The following KIAA1143 variants were observed in gnomAD, a reference collection of about 807,000 sequenced individuals.
The protein encoded by KIAA1143 is KIAA1143, also known as uncharacterized protein KIAA1143.
Under a neutral mutation model 17.0 loss-of-function variants are expected in KIAA1143, and 8 were observed. The observed-to-expected ratio is 0.47, with a 90% confidence interval of 0.28 to 0.85. The LOEUF is 0.85. KIAA1143 is among the 40% of genes least tolerant of loss of function. The probability of loss-of-function intolerance (pLI) is 0.12; values close to 1 mark genes in which losing one functional copy is unlikely to be tolerated. For missense variants in KIAA1143, 162 were observed against 183.3 expected (o/e 0.88, Z 0.67); for synonymous variants, 64 against 67.8 (o/e 0.94, Z 0.27).
chr3:44,759,256 A>G (rs1705021131), intron 1 of KIAA1143, among the ~76,000 whole-genome samples: 1 of 152,118 alleles, frequency 6.6e-6, no homozygotes, highest in Admixed American at 6.5e-5. Context: ...TGAAAACCCC[A>G]CGTTAATCTC....
At position 44,753,461 on chromosome 3, in the gene KIAA1143, G is replaced by A. The variant is rs1704921552; in HGVS notation, c.345C>T (p.Ser115=). The change falls in exon 3 of 3, where the codon AGC becomes AGT. Residue 115 remains serine (S), a synonymous_variant. Transcript: ENST00000296121. ...CTTCATTTGGCTTCTTCTTTTTTGA[G>A]CTTGCTGTTAAACCTGAATATTTTT... ...SDEKYSGLTA[S]SKKKKPNEDE... 7.5e-6 allele frequency: 12 copies of A among 1,609,168 alleles called. No individual in the cohort carries two copies. Among genetic ancestry groups the A allele is most frequent in the Non-Finnish European group, 1.0e-5 (12 of 1,175,988 alleles).
rs985002527 is a variant in KIAA1143, at chr3:44,749,641, G to A, written c.*3700C>T. The A allele has an allele frequency of 1.3e-5, 2 of 151,964 alleles. No homozygotes were observed. Among genetic ancestry groups the A allele is most frequent in the Non-Finnish European group, 2.9e-5 (2 of 68,000 alleles). The allele number at this position is 151,964 out of a possible 1,614,324, so 9.4% of individuals were successfully genotyped here. A position where few individuals can be genotyped will look rare whatever the true frequency, so the allele number is the denominator to read the frequency against. On this transcript the variant is annotated 3_prime_UTR_variant, in exon 3 of 3. Transcript: ENST00000296121. ...CATTTGGAGAAATCTCTCACTAGAT[G>A]GCCTTTCAAATAAATGAGAAACACA... is the stretch of plus-strand genomic sequence containing the variant.
intron 2 of KIAA1143, among the ~76,000 whole-genome samples, chr3:44,753,950 TATTTAAAAAAAAAAA>T (rs1704928314): frequency 6.6e-6 from 1 of 152,006 alleles, no homozygotes; most frequent in Admixed American, 6.5e-5. Context: ...TCTAACCATC[TATTTAAAAAAAAAAA>T]ATAGGATGCT....
At chr3:44,759,660 A>G (rs1039986018) in intron 1 of KIAA1143, among the ~76,000 whole-genome samples, 1 of 152,032 alleles carries the variant, frequency 6.6e-6, no homozygotes, top group African/African-American at 2.4e-5. Context: ...TTGAGAGGCT[A>G]AAGTGGGAGG....
At chr3:44,753,669 A>C in intron 2 of KIAA1143, 117 bp from the exon 3 acceptor site, 1 of 1,013,914 alleles carries the variant, frequency 9.9e-7, no homozygotes, top group African/African-American at 1.6e-5. Flanking sequence ...AATCTGATTC[A>C]GTCTGGTCTT....
At position 44,754,219 on chromosome 3, in the gene KIAA1143, C is replaced by T. The variant is rs367765471; in HGVS notation, c.253+5G>A. 1 of 1,612,512 alleles carries T rather than the reference C, an allele frequency of 6.2e-7. No homozygotes were observed. Among genetic ancestry groups the T allele is most frequent in the East Asian group, 2.2e-5 (1 of 44,876 alleles). Reference sequence around the variant, plus strand: ...TTAGAAAAACCAGATTACTTTTAGACCTACCTGCTTTGGCAGCCTTTATTT... The same window carrying T: ...TTAGAAAAACCAGATTACTTTTAGATCTACCTGCTTTGGCAGCCTTTATTT... On this transcript the variant is annotated splice_donor_5th_base_variant and intron_variant, in intron 2 of 2. Coordinates refer to ENST00000296121, the MANE Select transcript of KIAA1143 (RefSeq NM_020696.4).
Position 44,761,613 on chromosome 3 carries a change from G to T in KIAA1143, c.-11C>A. 1.3e-6 allele frequency: 2 copies of T among 1,551,718 alleles called. No homozygotes were observed. The highest frequency in any genetic ancestry group is 1.7e-6 in the Non-Finnish European group (2 of 1,156,532). On this transcript the variant is annotated 5_prime_UTR_variant, in exon 1 of 3. Coordinates refer to ENST00000296121, the MANE Select transcript of KIAA1143 (RefSeq NM_020696.4). ...GTTCCGCTTGCTCATGGTAGCTCTG[G>T]GTAAAGACAGAAGACAGGTTCCGCG... is the stretch of plus-strand genomic sequence containing the variant.
intron 1 of KIAA1143, among the ~76,000 whole-genome samples, chr3:44,759,285 A>G (rs936998704): frequency 2.0e-5 from 3 of 151,604 alleles, no homozygotes; most frequent in Non-Finnish European, 4.4e-5. Context: ...TCTCCATCAG[A>G]GTTCTTGGGT....
chr3:44,754,917 G>A (rs888600473), intron 1 of KIAA1143, among the ~76,000 whole-genome samples: 3 of 152,086 alleles, frequency 2.0e-5, no homozygotes, highest in Non-Finnish European at 2.9e-5. Flanking sequence ...CAACAACACT[G>A]TACTTATTCC....
chr3:44,757,721 G>C (rs1016277012), intron 1 of KIAA1143, among the ~76,000 whole-genome samples: 5 of 152,228 alleles, frequency 3.3e-5, no homozygotes, highest in Admixed American at 6.5e-5. Context: ...TGTTTGGAGA[G>C]CTTTGAAGGG....
intron 1 of KIAA1143, among the ~76,000 whole-genome samples, chr3:44,757,546 G>A (rs1704993485): frequency 6.6e-6 from 1 of 152,198 alleles, no homozygotes; most frequent in South Asian, 2.1e-4. Flanking sequence ...ACTACTTCGT[G>A]CCAGGCACTG....
chr3:44,754,177 C>T (rs757097828), intron 2 of KIAA1143, 47 bp downstream of exon 2: 6 of 1,592,574 alleles, frequency 3.8e-6, no homozygotes, highest in Non-Finnish European at 5.1e-6. Flanking sequence ...ATTTCATACC[C>T]TGGGCTCCTT....
intron 1 of KIAA1143, among the ~76,000 whole-genome samples, chr3:44,759,005 A>C (rs1169453679): frequency 6.6e-6 from 1 of 151,984 alleles, no homozygotes; most frequent in Admixed American, 6.6e-5. Flanking sequence ...CTGGGACCAC[A>C]GGTGCATGCC....
At chr3:44,759,258 G>A (rs953551007) in intron 1 of KIAA1143, among the ~76,000 whole-genome samples, 11 of 152,284 alleles carry the variant, frequency 7.2e-5, no homozygotes, top group Non-Finnish European at 7.3e-5. Context: ...AAAACCCCAC[G>A]TTAATCTCCT....
intron 1 of KIAA1143, among the ~76,000 whole-genome samples, chr3:44,754,940 T>G (rs1704947446): frequency 6.6e-6 from 1 of 152,188 alleles, no homozygotes; most frequent in African/African-American, 2.4e-5. Flanking sequence ...TGACTTGCTT[T>G]TTCCCTATTT....
At chr3:44,755,299 T>C (rs905284848) in intron 1 of KIAA1143, among the ~76,000 whole-genome samples, 2 of 152,200 alleles carry the variant, frequency 1.3e-5, no homozygotes, top group African/African-American at 4.8e-5. Flanking sequence ...TTTTGGGAAC[T>C]TGTATGCAAG....
chr3:44,759,164 G>A (rs1210305451), intron 1 of KIAA1143, among the ~76,000 whole-genome samples: 1 of 152,066 alleles, frequency 6.6e-6, no homozygotes, highest in Non-Finnish European at 1.5e-5. Flanking sequence ...GCGCCTGGCT[G>A]TTATTTCTTA....
At chr3:44,758,280 C>CAAT (rs1575559659) in intron 1 of KIAA1143, among the ~76,000 whole-genome samples, 7 of 152,188 alleles carry the variant, frequency 4.6e-5, no homozygotes, top group Admixed American at 6.5e-5. Flanking sequence ...AAAAATAAGA[C>CAAT]GATGAAGTTT....
intron 1 of KIAA1143, among the ~76,000 whole-genome samples, chr3:44,759,513 T>G (rs1210880174): frequency 6.6e-6 from 1 of 152,118 alleles, no homozygotes; most frequent in Non-Finnish European, 1.5e-5. Flanking sequence ...AGTATTAGCT[T>G]CAACTTAAAA....
Sources: allele counts gnomAD v4.1 joint callset (sites outside exome capture counted in the v4.1 genomes callset), GRCh38; gene constraint gnomAD v4.1.1; transcripts MANE v1.5; gene names NCBI Gene and HGNC (gene_info 2026-07-23, HGNC 2026-07-21).